The following LDAH variants were observed in gnomAD, a reference collection of about 807,000 sequenced individuals.
The protein encoded by LDAH is lipid droplet-associated hydrolase.
Under a neutral mutation model 29.6 loss-of-function variants are expected in LDAH, and 26 were observed. The observed-to-expected ratio is 0.88, with a 90% confidence interval of 0.64 to 1.22. The LOEUF is 1.22. Ranked by LOEUF, LDAH falls within the 50% of genes most tolerant of loss-of-function variation. The pLI is 0.00. For synonymous variants in LDAH, 117 were observed against 133.0 expected (o/e 0.88, Z 0.83); for missense variants, 344 against 387.3 (o/e 0.89, Z 0.94).
intron 5 of LDAH, among the ~76,000 whole-genome samples, chr2:20,730,132 G>GT (rs1257286503): frequency 1.3e-5 from 2 of 152,172 alleles, no homozygotes; most frequent in African/African-American, 4.8e-5. Context: ...GTTGCTGTGT[G>GT]TATTAAAAGT....
chr2:20,685,417 T>C lies in LDAH; in HGVS notation c.*1486A>G, dbSNP rs1411923009. The C allele has an allele frequency of 3.4e-6, 4 of 1,182,432 alleles. No homozygotes were observed. In the East Asian group the frequency reaches 1.0e-4, roughly 30 times the overall value. The allele number at this position is 1,182,432 out of a possible 1,614,324, so 73.2% of individuals were successfully genotyped here. ...TGTGTACAGCCCTGTGCTTACGGCC[T>C]ATGTATCTATTAGCTCTTCCCCTTG... On this transcript the variant is annotated 3_prime_UTR_variant, in exon 7 of 7. Coordinates refer to ENST00000237822, the MANE Select transcript of LDAH (RefSeq NM_021925.4).
chr2:20,752,010 GCCT>G (rs1668006391), intron 4 of LDAH, among the ~76,000 whole-genome samples: 1 of 152,044 alleles, frequency 6.6e-6, no homozygotes, highest in Non-Finnish European at 1.5e-5. Flanking sequence ...TCCTGTCTCA[GCCT>G]CCTAAGTAGC....
In LDAH at chr2:20,694,094, G is replaced by A. The variant is rs118167168; in HGVS notation, c.787-7000C>T. On this transcript the variant is annotated intron_variant, in intron 6 of 6. Transcript: ENST00000237822. ...AAAGCAAAAGGTCAGATATAAAGCAGTCGGTTGAATACCAAGGGATCAAAT... is the reference window on the plus strand; with the variant it reads ...AAAGCAAAAGGTCAGATATAAAGCAATCGGTTGAATACCAAGGGATCAAAT... 1.1e-3 allele frequency among the ~76,000 whole-genome samples: 164 copies of A among 152,384 alleles called. No homozygotes were observed. In the East Asian group the frequency reaches 0.026, roughly 25 times the overall value.
chr2:20,712,160 C>A (rs1357831618), intron 5 of LDAH, among the ~76,000 whole-genome samples: 1 of 152,164 alleles, frequency 6.6e-6, no homozygotes, highest in African/African-American at 2.4e-5. Context: ...GGTGGGTGCC[C>A]CTCTGGGACA....
chr2:20,757,442 C>A (rs73241169), intron 4 of LDAH, among the ~76,000 whole-genome samples: 2,268 of 152,192 alleles, frequency 0.015, 60 homozygotes, highest in African/African-American at 0.052. Flanking sequence ...AGAATAATTG[C>A]AAAAACAAAG....
At chr2:20,723,561 AC>A (rs1665811514) in intron 5 of LDAH, among the ~76,000 whole-genome samples, 1 of 152,218 alleles carries the variant, frequency 6.6e-6, no homozygotes, top group South Asian at 2.1e-4. Context: ...CTTTATTCCT[AC>A]CCTTATTTAT....
At chr2:20,709,627 C>A (rs1664559812) in intron 5 of LDAH, among the ~76,000 whole-genome samples, 1 of 152,092 alleles carries the variant, frequency 6.6e-6, no homozygotes, top group African/African-American at 2.4e-5. Flanking sequence ...TACAGAGTTA[C>A]CATATTACCC....
At chr2:20,764,235 G>T (rs781231764) in intron 4 of LDAH, among the ~76,000 whole-genome samples, 10 of 152,196 alleles carry the variant, frequency 6.6e-5, no homozygotes, top group Non-Finnish European at 1.3e-4. Flanking sequence ...ATGCATAAGT[G>T]ATTGGAAAAA....
At chr2:20,787,046 A>C (rs1670603427) in intron 3 of LDAH, among the ~76,000 whole-genome samples, 1 of 152,204 alleles carries the variant, frequency 6.6e-6, no homozygotes, top group African/African-American at 2.4e-5. Context: ...GTCCCCCAAG[A>C]ATAGGCTTGC....
intron 4 of LDAH, among the ~76,000 whole-genome samples, chr2:20,764,175 TA>T (rs1217266585): frequency 8.2e-6 from 1 of 122,692 alleles, no homozygotes; most frequent in Admixed American, 8.8e-5. Context: ...TCAGAAAAGA[TA>T]ATGTGTGTGT....
At chr2:20,776,410 C>A (rs1048123158) in intron 3 of LDAH, among the ~76,000 whole-genome samples, 1 of 152,152 alleles carries the variant, frequency 6.6e-6, no homozygotes, top group Non-Finnish European at 1.5e-5. Context: ...TATACTACTC[C>A]TAATTCACTC....
intron 6 of LDAH, among the ~76,000 whole-genome samples, chr2:20,697,322 T>C (rs76431642): frequency 0.054 from 8,200 of 152,300 alleles, 292 homozygotes; most frequent in East Asian, 0.13. Context: ...ATCTCCTAAA[T>C]CTTTCCATCT....
At position 20,814,439 on chromosome 2, in the gene LDAH, A is replaced by C. The variant is rs1672715537; in HGVS notation, c.-3+8598T>G. Among the ~76,000 whole-genome samples the C allele has an allele frequency of 6.6e-5, 10 of 152,238 alleles. 1 individual carries two copies. In the South Asian group the frequency reaches 2.1e-3, roughly 32 times the overall value. ...TCAAGGGAAATGAAGGAAAGGAGAA[A>C]GAACTTTTTGATTTTTTATTTATTT... On this transcript the variant is annotated intron_variant, in intron 1 of 6. Coordinates refer to ENST00000237822, the MANE Select transcript of LDAH (RefSeq NM_021925.4).
chr2:20,801,381 C>G lies in LDAH; in HGVS notation c.83G>C (p.Cys28Ser). ...ATGAAAGAGGTCTGTCCAGGGCCCA[C>G]ATTTTAGAACCTGGGTTTCGGCTCC... is the stretch of plus-strand genomic sequence containing the variant. ...CGGAETQVLK[C>S]GPWTDLFHDQ... is the part of the protein sequence containing the mutation. The change falls in exon 2 of 7, where the codon TGT (cysteine) becomes TCT (serine). Residue 28 changes from cysteine (C) to serine (S), a missense_variant. Coordinates refer to ENST00000237822, the MANE Select transcript of LDAH (RefSeq NM_021925.4). 6.2e-7 allele frequency: 1 copy of G among 1,614,090 alleles called. No individual in the cohort carries two copies. The highest frequency in any genetic ancestry group is 8.5e-7 in the Non-Finnish European group (1 of 1,179,924).
intron 3 of LDAH, among the ~76,000 whole-genome samples, chr2:20,787,335 C>A (rs1572630957): frequency 7.7e-6 from 1 of 129,048 alleles, no homozygotes; most frequent in East Asian, 2.6e-4. Context: ...ATTCTGTCAC[C>A]TAGGCTGGAG....
intron 1 of LDAH, among the ~76,000 whole-genome samples, chr2:20,801,831 G>C (rs1671689458): frequency 6.6e-6 from 1 of 151,958 alleles, no homozygotes; most frequent in African/African-American, 2.4e-5. Context: ...CAGAGGTTCT[G>C]GCTTGCCCTT....
At chr2:20,799,241 A>ACAAG (rs1671506078) in intron 2 of LDAH, among the ~76,000 whole-genome samples, 1 of 152,162 alleles carries the variant, frequency 6.6e-6, no homozygotes, top group Admixed American at 6.5e-5. Context: ...AAACAAACAA[A>ACAAG]CAAAAAAGAA....
rs1020485469 is a variant in LDAH, at chr2:20,698,782, A to G, written c.786+2788T>C. 1.3e-5 allele frequency among the ~76,000 whole-genome samples: 2 copies of G among 152,258 alleles called. No individual in the cohort carries two copies. Among genetic ancestry groups the G allele is most frequent in the African/African-American group, 4.8e-5 (2 of 41,468 alleles). ...TCTGTTATATTTGCTCCAGGAAAGA[A>G]AAATTATTTTAATAAAATAAATTAC... On this transcript the variant is annotated intron_variant, in intron 6 of 6. Coordinates refer to ENST00000237822, the MANE Select transcript of LDAH (RefSeq NM_021925.4). The surrounding 1 kb of genome is among the most constrained non-coding windows in gnomAD (Gnocchi z 4.4).
rs763143661 is a variant in LDAH, at chr2:20,790,260, G to A, written c.293C>T (p.Ser98Leu). Residue 98 changes from serine (S) to leucine (L), a missense_variant, in exon 3 of 7, where the codon TCA (serine) becomes TTA (leucine). Ser to Leu is a moderately radical substitution (Grantham distance 145). Coordinates refer to ENST00000237822, the MANE Select transcript of LDAH (RefSeq NM_021925.4). Reference sequence around the variant, plus strand: ...AGATATTAACAAGGACATACCCTCTGATGTTGTAAGAATCTTCTTGTCTTT... The same window carrying A: ...AGATATTAACAAGGACATACCCTCTAATGTTGTAAGAATCTTCTTGTCTTT... ...APKDKKILTT[S>L]EDSNAQEIKD... 1.2e-6 allele frequency: 2 copies of A among 1,614,076 alleles called. No individual in the cohort carries two copies. The highest frequency in any genetic ancestry group is 1.7e-6 in the Non-Finnish European group (2 of 1,179,976).
Sources: gnomAD v4.1 joint callset for allele counts (sites outside exome capture counted in the v4.1 genomes callset) on GRCh38, gnomAD v4.1.1 for gene constraint, Gnocchi (gnomAD v3.1) non-coding constraint, MANE v1.5 for transcripts, NCBI Gene and HGNC (gene_info 2026-07-23, HGNC 2026-07-21) for gene names.